The following PACSIN2 variants were observed in gnomAD, a reference collection of about 807,000 sequenced individuals.
PACSIN2 encodes the protein protein kinase C and casein kinase substrate in neurons protein 2.
In PACSIN2, 25 loss-of-function variants were observed where a neutral mutation model predicts 63.8. The ratio of observed to expected loss-of-function variants is 0.39; its 90% CI spans 0.29 to 0.55. PACSIN2 has a LOEUF of 0.55. PACSIN2 is among the 20% of genes least tolerant of loss of function. The probability of loss-of-function intolerance (pLI) is 0.62; values close to 1 mark genes in which losing one functional copy is unlikely to be tolerated. For missense variants in PACSIN2, 518 were observed against 646.9 expected, an observed-to-expected ratio of 0.80 and a Z score of 2.16; for synonymous variants, 255 against 256.2, an observed-to-expected ratio of 1.00 and a Z score of 0.05.
intron 1 of PACSIN2, among the ~76,000 whole-genome samples, chr22:42,920,368 T>G (rs1176327918): frequency 1.3e-5 from 2 of 152,162 alleles, no homozygotes; most frequent in Non-Finnish European, 2.9e-5. Context: ...TGGGGTGGTG[T>G]GTGCTGAGTT....
intron 6 of PACSIN2, 144 bp from the exon 7 acceptor site, chr22:42,882,448 G>T: frequency 1.1e-6 from 1 of 903,786 alleles, no homozygotes; most frequent in South Asian, 1.6e-5. Flanking sequence ...TCCTCCCTTG[G>T]CTCAGGTGGA....
chr22:42,909,025 G>A (rs113549329), intron 2 of PACSIN2, among the ~76,000 whole-genome samples: 99 of 152,144 alleles, frequency 6.5e-4, no homozygotes, highest in African/African-American at 2.2e-3. Context: ...TACTCCTTCC[G>A]AATATGCATT....
intron 1 of PACSIN2, among the ~76,000 whole-genome samples, chr22:42,931,862 G>C (rs1234637401): frequency 6.6e-6 from 1 of 152,080 alleles, no homozygotes; most frequent in Non-Finnish European, 1.5e-5. Context: ...CAATTGTAAG[G>C]AACACAGGTG....
rs116296560 is a variant in PACSIN2 at position 42,993,078 on chromosome 22, G to A, written c.-78+21943C>T. 4.3e-3 allele frequency among the ~76,000 whole-genome samples: 651 copies of A among 151,970 alleles called. 3 individuals carry two copies. Among genetic ancestry groups the A allele is most frequent in the African/African-American group, 0.015 (615 of 41,348 alleles). ...CTACTCGGGAGCTGGGAGCTGGGAA[G>A]CAGGAGAATCACTTCAACCCGGGAG... On this transcript the variant is annotated intron_variant, in intron 1 of 10. Coordinates refer to ENST00000263246, the MANE Select transcript of PACSIN2 (RefSeq NM_001184970.3).
At chr22:42,908,906 C>T (rs1417811682) in intron 2 of PACSIN2, among the ~76,000 whole-genome samples, 2 of 152,148 alleles carry the variant, frequency 1.3e-5, no homozygotes, top group African/African-American at 4.8e-5. Context: ...GGTGGTCCCT[C>T]CTGCTCTCAT....
intron 1 of PACSIN2, among the ~76,000 whole-genome samples, chr22:42,936,491 T>C (rs1231319778): frequency 6.6e-6 from 1 of 152,126 alleles, no homozygotes; most frequent in Admixed American, 6.5e-5. Context: ...ACTCAAACAT[T>C]CTAAGGGGAC....
chr22:42,962,775 C>CGGGGGGGGGGGG (rs1555936911), intron 1 of PACSIN2, among the ~76,000 whole-genome samples: 1 of 16,408 alleles, frequency 6.1e-5, no homozygotes, highest in African/African-American at 1.8e-4. Context: ...AAGGTGTGGG[C>CGGGGGGGGGGGG]GGGGGGGGGG....
rs746324218 is a variant in PACSIN2 at position 42,871,330 on chromosome 22, T to C, written c.*27A>G. The stretch of plus-strand genomic sequence containing the variant: ...GAGGCTCCTGGGCCCGCCGCCTCCG[T>C]CCCCCCGCTGGCCTGTCCCCGACTC... On this transcript the variant is annotated 3_prime_UTR_variant, in exon 11 of 11. Coordinates refer to ENST00000263246, the MANE Select transcript of PACSIN2 (RefSeq NM_001184970.3). The surrounding 1 kb of genome is among the most constrained non-coding windows in gnomAD (Gnocchi z 5.4). The C allele has an allele frequency of 1.5e-5, 22 of 1,465,942 alleles. No homozygotes were observed. Among genetic ancestry groups the C allele is most frequent in the Non-Finnish European group, 1.9e-5 (20 of 1,045,160 alleles). 90.8% of individuals were successfully genotyped at this position (1,465,942 alleles called of 1,614,324 possible). A position where few individuals can be genotyped will look rare whatever the true frequency, so the allele number is the denominator to read the frequency against.
chr22:43,013,465 G>C (rs2146935740), intron 1 of PACSIN2, among the ~76,000 whole-genome samples: 1 of 152,332 alleles, frequency 6.6e-6, no homozygotes, highest in Middle Eastern at 3.4e-3. Flanking sequence ...TTTTCCAGGT[G>C]AATCAAGAGA....
At chr22:42,937,578 C>T (rs1379059168) in intron 1 of PACSIN2, among the ~76,000 whole-genome samples, 1 of 152,172 alleles carries the variant, frequency 6.6e-6, no homozygotes, top group African/African-American at 2.4e-5. Flanking sequence ...TGAATCTCCA[C>T]ACGGCCTCAT....
chr22:42,880,787 A>G (rs751860439), intron 7 of PACSIN2, among the ~76,000 whole-genome samples: 7 of 151,734 alleles, frequency 4.6e-5, no homozygotes, highest in African/African-American at 1.2e-4. Flanking sequence ...TCCAGGAGAC[A>G]GACTGTCAAA....
At chr22:42,977,609 T>C (rs940422221) in intron 1 of PACSIN2, among the ~76,000 whole-genome samples, 1 of 152,240 alleles carries the variant, frequency 6.6e-6, no homozygotes, top group African/African-American at 2.4e-5. Flanking sequence ...TTGATATGGT[T>C]AGGCTCTGTG....
chr22:42,910,031 C>A (rs1237398150), intron 2 of PACSIN2, among the ~76,000 whole-genome samples: 2 of 152,166 alleles, frequency 1.3e-5, no homozygotes, highest in Non-Finnish European at 2.9e-5. Flanking sequence ...ACCGTTATTA[C>A]CCCCATCTTA....
chr22:42,966,513 A>C (rs1920958696), intron 1 of PACSIN2, among the ~76,000 whole-genome samples: 1 of 152,256 alleles, frequency 6.6e-6, no homozygotes, highest in Non-Finnish European at 1.5e-5. Context: ...GCAAAGGAGA[A>C]AATGTTAAAA....
chr22:42,894,130 C>T (rs944120386), intron 2 of PACSIN2, among the ~76,000 whole-genome samples: 2 of 152,204 alleles, frequency 1.3e-5, no homozygotes, highest in African/African-American at 4.8e-5. Context: ...AATACTGTCT[C>T]CCCTACCTAG....
In PACSIN2 at chr22:42,898,125, G is replaced by A. The variant is rs534118345; in HGVS notation, c.61-4512C>T. ...CTGCTCAGTGGAACCCAGGGCATGC[G>A]AGCCAAAAAAGGGAGCTGCCCATCC... On this transcript the variant is annotated intron_variant, in intron 2 of 10. Coordinates refer to ENST00000263246, the MANE Select transcript of PACSIN2 (RefSeq NM_001184970.3). 1.4e-4 allele frequency among the ~76,000 whole-genome samples: 21 copies of A among 152,136 alleles called. 1 individual carries two copies. The highest frequency in any genetic ancestry group is 2.2e-4 in the Non-Finnish European group (15 of 67,960).
At chr22:42,885,988 C>T (rs1037981130) in intron 5 of PACSIN2, among the ~76,000 whole-genome samples, 4 of 152,234 alleles carry the variant, frequency 2.6e-5, no homozygotes, top group African/African-American at 9.7e-5. Context: ...AGACACATAG[C>T]TGTGGGTTCA....
intron 1 of PACSIN2, among the ~76,000 whole-genome samples, chr22:42,982,882 A>AC (rs1922300452): frequency 1.5e-5 from 2 of 136,344 alleles, no homozygotes; most frequent in Non-Finnish European, 3.1e-5. Flanking sequence ...AAAAAAAAAA[A>AC]AAAAAAAACA....
intron 1 of PACSIN2, among the ~76,000 whole-genome samples, chr22:42,919,645 C>T (rs1404331475): frequency 1.3e-5 from 2 of 151,648 alleles, no homozygotes; most frequent in African/African-American, 2.4e-5. Context: ...TGGTAGCATG[C>T]GCCTGTAATC....
Sources: allele counts gnomAD v4.1 joint callset (sites outside exome capture counted in the v4.1 genomes callset), GRCh38; gene constraint gnomAD v4.1.1; non-coding constraint Gnocchi (gnomAD v3.1); transcripts MANE v1.5; gene names NCBI Gene and HGNC (gene_info 2026-07-23, HGNC 2026-07-21).